Variants in RBM20 observed in about 807,000 individuals in gnomAD.
RBM20 encodes RNA-binding protein 20.
RBM20 carries 51 observed loss-of-function variants against 110.1 expected under a neutral mutation model. The observed-to-expected ratio is 0.46, with a 90% CI of 0.37 to 0.59. The LOEUF (loss-of-function observed/expected upper bound fraction) is 0.59, where lower values mean the gene tolerates loss of function less well. Among genes scored for constraint, RBM20 ranks in the 20% least tolerant of loss-of-function variants. The pLI is 0.00. For missense variants in RBM20, 1,512 were observed against 1,574.9 expected (o/e 0.96, Z 0.68); for synonymous variants, 589 against 618.2 (o/e 0.95, Z 0.70).
chr10:110,792,175 C>CTATT (rs1169376557), intron 5 of RBM20, among the ~76,000 whole-genome samples: 6 of 151,798 alleles, frequency 4.0e-5, no homozygotes, highest in African/African-American at 1.2e-4. Context: ...ATCTATCTAT[C>CTATT]TATCTATCTA....
At position 110,812,689 on chromosome 10, in the gene RBM20, C is replaced by A. The variant is rs1452898723; in HGVS notation, c.2292C>A (p.Pro764=). ...AAGACGGCTACTACCGGAAAGAGCCCAAAGCCAAGTCGGACAAGTATCTGA... is the reference window on the plus strand; with the variant it reads ...AAGACGGCTACTACCGGAAAGAGCCAAAAGCCAAGTCGGACAAGTATCTGA... ...SREDGYYRKE[P]KAKSDKYLKQ... Residue 764 remains proline, a synonymous_variant, in exon 9 of 14, where the codon CCC becomes CCA. Coordinates refer to ENST00000369519, the MANE Select transcript of RBM20 (RefSeq NM_001134363.3). 5.8e-6 allele frequency: 9 copies of A among 1,551,598 alleles called. No homozygotes were observed. In the South Asian group the frequency reaches 1.1e-4, roughly 18 times the overall value.
intron 1 of RBM20, among the ~76,000 whole-genome samples, chr10:110,646,850 G>T (rs1452123523): frequency 6.6e-6 from 1 of 152,226 alleles, no homozygotes; most frequent in Non-Finnish European, 1.5e-5. Flanking sequence ...AAAACAAGTT[G>T]TCTGCCTGTT....
chr10:110,833,599 A>G (rs1452163871), intron 13 of RBM20, among the ~76,000 whole-genome samples: 4 of 152,082 alleles, frequency 2.6e-5, no homozygotes, highest in African/African-American at 9.7e-5. Context: ...GTCACCTCGG[A>G]AGTTAGGAAG....
Position 110,812,551 on chromosome 10 carries a change from G to A in RBM20, c.2154G>A (p.Leu718=). The A allele has an allele frequency of 1.3e-6, 2 of 1,551,764 alleles. No homozygotes were observed. Among genetic ancestry groups the A allele is most frequent in the East Asian group, 2.4e-5 (1 of 40,924 alleles). ...AHDRKHHPRQ[L]DKAELDERPE... Reference sequence around the variant, plus strand: ...ATCGCAAACACCACCCCCGGCAACTGGACAAGGCTGAGTTGGACGAGCGAC... The same window carrying A: ...ATCGCAAACACCACCCCCGGCAACTAGACAAGGCTGAGTTGGACGAGCGAC... The change falls in exon 9 of 14, where the codon CTG becomes CTA. Residue 718 remains leucine, a synonymous_variant. Transcript: ENST00000369519.
At chr10:110,769,938 C>T (rs1162383191) in intron 1 of RBM20, among the ~76,000 whole-genome samples, 2 of 152,102 alleles carry the variant, frequency 1.3e-5, no homozygotes, top group African/African-American at 2.4e-5. Flanking sequence ...AGGCTGTTCT[C>T]GAATTCCTGG....
intron 1 of RBM20, among the ~76,000 whole-genome samples, chr10:110,747,102 T>C (rs1276831928): frequency 6.6e-6 from 1 of 152,182 alleles, no homozygotes; most frequent in African/African-American, 2.4e-5. Context: ...ATGTTATCAT[T>C]GGGGAAGATA....
At chr10:110,716,285 C>G (rs1358900477) in intron 1 of RBM20, among the ~76,000 whole-genome samples, 1 of 152,174 alleles carries the variant, frequency 6.6e-6, no homozygotes. Context: ...AGCCTCATTT[C>G]CTGCCATAGA....
chr10:110,836,007 G>A lies in RBM20; in HGVS notation c.*29G>A. The stretch of plus-strand genomic sequence containing the variant: ...TTCTGCTTCTGCTGCTACTGCTGCT[G>A]CTGCAAGGTTGGAAAGGAGAGCTTG... On this transcript the variant is annotated 3_prime_UTR_variant, in exon 14 of 14. Coordinates refer to ENST00000369519, the MANE Select transcript of RBM20 (RefSeq NM_001134363.3). 1 of 891,314 alleles carries A rather than the reference G, an allele frequency of 1.1e-6. No homozygotes were observed. Among genetic ancestry groups the A allele is most frequent in the Non-Finnish European group, 1.8e-6 (1 of 565,586 alleles). 55.2% of individuals were successfully genotyped at this position (891,314 alleles called of 1,614,324 possible). A position where few individuals can be genotyped will look rare whatever the true frequency, so the allele number is the denominator to read the frequency against.
Position 110,645,042 on chromosome 10 carries a change from C to T in RBM20, c.191+397C>T, listed in dbSNP as rs193302491. On this transcript the variant is annotated intron_variant, in intron 1 of 13. Coordinates refer to ENST00000369519, the MANE Select transcript of RBM20 (RefSeq NM_001134363.3). ...GCGTGAGGGTGTGTAAGTAAAATGCCAAAAATTAAACCACCCTTCATGGTG... is the reference window on the plus strand; with the variant it reads ...GCGTGAGGGTGTGTAAGTAAAATGCTAAAAATTAAACCACCCTTCATGGTG... Among the ~76,000 whole-genome samples the T allele has an allele frequency of 2.0e-3, 309 of 152,154 alleles. 1 individual carries two copies. Among genetic ancestry groups the T allele is most frequent in the African/African-American group, 7.3e-3 (301 of 41,494 alleles).
intron 7 of RBM20, among the ~76,000 whole-genome samples, chr10:110,802,747 G>C (rs1309034684): frequency 1.3e-5 from 2 of 152,224 alleles, no homozygotes; most frequent in African/African-American, 4.8e-5. Context: ...AACTGGGCCA[G>C]GTGCCATGGA....
intron 1 of RBM20, among the ~76,000 whole-genome samples, chr10:110,723,772 T>C (rs1022905697): frequency 6.6e-6 from 1 of 152,254 alleles, no homozygotes; most frequent in Non-Finnish European, 1.5e-5. Context: ...AATTGGGTTA[T>C]GGGTCTTTAT....
intron 1 of RBM20, among the ~76,000 whole-genome samples, chr10:110,677,872 C>T (rs7071056): frequency 0.86 from 130,611 of 152,184 alleles, 59,624 homozygotes; most frequent in East Asian, 1. Context: ...TTGTTTTACT[C>T]GAGTCAGAGG....
intron 1 of RBM20, among the ~76,000 whole-genome samples, chr10:110,751,779 G>A (rs185339319): frequency 6.6e-6 from 1 of 152,234 alleles, no homozygotes; most frequent in Admixed American, 6.5e-5. Flanking sequence ...GACCAATATT[G>A]TAAAATAGAA....
In RBM20 at chr10:110,781,434, A is replaced by G. The variant is rs1480225078; in HGVS notation, c.825A>G (p.Gln275=). The G allele has an allele frequency of 2.6e-6, 4 of 1,551,614 alleles. No homozygotes were observed. Among genetic ancestry groups the G allele is most frequent in the African/African-American group, 1.4e-5 (1 of 73,184 alleles). Residue 275 remains glutamine (Q), a synonymous_variant, in exon 2 of 14, where the codon CAA becomes CAG. Transcript: ENST00000369519. ...ACAGCCACACAGGGCAGGATGGTCA[A>G]GCTGCCTTTTCCAAAGATTTTTACG... ...GHYSHTGQDG[Q]AAFSKDFYGP...
intron 9 of RBM20, among the ~76,000 whole-genome samples, chr10:110,816,898 T>C (rs1349142108): frequency 6.6e-6 from 1 of 152,242 alleles, no homozygotes; most frequent in Non-Finnish European, 1.5e-5. Context: ...AAAGAGGTCA[T>C]GCTCATTAAA....
intron 1 of RBM20, among the ~76,000 whole-genome samples, chr10:110,780,116 C>A (rs760734508): frequency 1.3e-5 from 2 of 152,136 alleles, no homozygotes; most frequent in Non-Finnish European, 2.9e-5. Flanking sequence ...GGAATGCTCT[C>A]TGTCTTAAGC....
chr10:110,835,328 C>CT (rs1318271687), intron 13 of RBM20: 3 of 106,720 alleles, frequency 2.8e-5, no homozygotes, highest in Non-Finnish European at 3.6e-5. Context: ...TTCTTTTTTT[C>CT]TTTTTTTTTT....
At chr10:110,665,571 T>C (rs535620057) in intron 1 of RBM20, among the ~76,000 whole-genome samples, 6 of 152,070 alleles carry the variant, frequency 3.9e-5, no homozygotes, top group Non-Finnish European at 7.4e-5. Context: ...AAAATACTTA[T>C]CAGCAAAATG....
At chr10:110,673,699 T>C (rs942064018) in intron 1 of RBM20, among the ~76,000 whole-genome samples, 16 of 152,194 alleles carry the variant, frequency 1.1e-4, no homozygotes, top group African/African-American at 3.9e-4. Flanking sequence ...GAAACCTAGA[T>C]GTATATTCTG....
Sources: gnomAD v4.1 joint callset for allele counts (sites outside exome capture counted in the v4.1 genomes callset) on GRCh38, gnomAD v4.1.1 for gene constraint, MANE v1.5 for transcripts, NCBI Gene and HGNC (gene_info 2026-07-23, HGNC 2026-07-21) for gene names.